SH3KBP1: variants seen among roughly 807,000 people sequenced by gnomAD.
The protein encoded by SH3KBP1 is SH3 domain containing kinase binding protein 1, also known as SH3 domain-containing kinase-binding protein 1.
SH3KBP1 carries 8 observed loss-of-function variants against 50.1 expected under a neutral mutation model. That is an observed-to-expected ratio of 0.16 (90% confidence interval 0.09 to 0.29). The LOEUF (loss-of-function observed/expected upper bound fraction) is 0.29. Among genes scored for constraint, SH3KBP1 ranks in the 10% least tolerant of loss-of-function variants. The probability of loss-of-function intolerance (pLI) is 1.00; values close to 1 mark genes in which losing one functional copy is unlikely to be tolerated. For synonymous variants in SH3KBP1, 227 were observed against 218.6 expected (o/e 1.04, Z -0.34); for missense variants, 377 against 535.2 (o/e 0.70, Z 2.92).
chrX:19,587,077 C>T (rs1215953443), intron 12 of SH3KBP1, among the ~76,000 whole-genome samples: 2 of 110,073 alleles, frequency 1.8e-5, no homozygotes, highest in African/African-American at 3.3e-5. Context: ...ACAAAATTAG[C>T]CAGGCGTGGT....
At chrX:19,817,200 G>A in intron 2 of SH3KBP1, among the ~76,000 whole-genome samples, 1 of 111,210 alleles carries the variant, frequency 9.0e-6, no homozygotes, top group South Asian at 3.7e-4. Context: ...CATAAAATTG[G>A]GTAGATTCCT....
intron 5 of SH3KBP1, among the ~76,000 whole-genome samples, chrX:19,694,557 G>A (rs925462799): frequency 1.8e-5 from 2 of 110,218 alleles, no homozygotes; most frequent in African/African-American, 6.6e-5. Context: ...TGGCACTGGA[G>A]GGAAGGAGCA....
intron 7 of SH3KBP1, among the ~76,000 whole-genome samples, chrX:19,634,885 G>A (rs760090158): frequency 2.0e-4 from 22 of 111,588 alleles, no homozygotes; most frequent in African/African-American, 5.9e-4. Flanking sequence ...CTGAAAAAGA[G>A]CTGTTCTGGT....
Position 19,592,077 on chromosome X carries a change from T to C in SH3KBP1, c.1128A>G (p.Thr376=), listed in dbSNP as rs369021832. The stretch of plus-strand genomic sequence containing the variant: ...GAATTGATTTCATACCTTTTTCTTC[T>C]GTTCTGTTTGGAAGCATTTCTGGTC... ...PERPEMLPNR[T]EEKERPEREP... Residue 376 remains threonine, a synonymous_variant, in exon 11 of 18, where the codon ACA becomes ACG. Transcript: ENST00000397821. The C allele has an allele frequency of 1.9e-5, 23 of 1,200,581 alleles. No individual in the cohort carries two copies. The highest frequency in any genetic ancestry group is 2.4e-5 in the Non-Finnish European group (21 of 887,051).
At chrX:19,885,008 G>T (rs1158628544) in intron 1 of SH3KBP1, among the ~76,000 whole-genome samples, 1 of 111,927 alleles carries the variant, frequency 8.9e-6, no homozygotes, top group Non-Finnish European at 1.9e-5. Flanking sequence ...AAGAATATAA[G>T]TGTATCAGAA....
rs141491861 is a variant in SH3KBP1 at position 19,673,549 on chromosome X, C to G, written c.726+10274G>C. ...AAGAGTGTGCATGAGGTGGGCCCATCTGCCCCTTTCCAAGAGCTACTAGAA... is the reference window on the plus strand; with the variant it reads ...AAGAGTGTGCATGAGGTGGGCCCATGTGCCCCTTTCCAAGAGCTACTAGAA... On this transcript the variant is annotated intron_variant, in intron 6 of 17. Transcript: ENST00000397821. 2.5e-3 allele frequency among the ~76,000 whole-genome samples: 283 copies of G among 111,479 alleles called. 1 individual carries two copies. Among genetic ancestry groups the G allele is most frequent in the Non-Finnish European group, 4.4e-3 (231 of 53,004 alleles).
At chrX:19,655,540 T>C (rs1441113571) in intron 6 of SH3KBP1, among the ~76,000 whole-genome samples, 2 of 111,812 alleles carry the variant, frequency 1.8e-5, no homozygotes, top group African/African-American at 6.5e-5. Flanking sequence ...CTGGAGGCCA[T>C]GATCCTAAGC....
At chrX:19,827,156 C>T (rs752050529) in intron 2 of SH3KBP1, among the ~76,000 whole-genome samples, 2 of 111,811 alleles carry the variant, frequency 1.8e-5, no homozygotes, top group Non-Finnish European at 3.8e-5. Flanking sequence ...GCTGAGGCCA[C>T]GGCAAGTGAG....
chrX:19,594,539 G>A (rs1035741742), intron 10 of SH3KBP1, among the ~76,000 whole-genome samples: 1 of 111,676 alleles, frequency 9.0e-6, no homozygotes, highest in Admixed American at 9.5e-5. Flanking sequence ...CACTATATAC[G>A]CACAACAATG....
In SH3KBP1 at chrX:19,588,738, T is replaced by A; in HGVS notation, c.1203A>T (p.Lys401Asn). The change falls in exon 12 of 18, where the codon AAA (lysine) becomes AAT (asparagine). Residue 401 changes from lysine (K) to asparagine (N), a missense_variant. By Grantham distance (94) the Lys-to-Asn change is moderately conservative (BLOSUM62 0). Transcript: ENST00000397821. ...QKPSVPAIPP[K>N]KPRPPKTNSL... Reference sequence around the variant, plus strand: ...AATTGGTCTTAGGTGGCCGAGGCTTTTTTGGCGGTATGGCAGGAACGGAGG... The same window carrying A: ...AATTGGTCTTAGGTGGCCGAGGCTTATTTGGCGGTATGGCAGGAACGGAGG... 8.3e-7 allele frequency: 1 copy of A among 1,202,153 alleles called. No individual in the cohort carries two copies. Among genetic ancestry groups the A allele is most frequent in the Non-Finnish European group, 1.1e-6 (1 of 890,209 alleles).
intron 1 of SH3KBP1, among the ~76,000 whole-genome samples, chrX:19,877,021 T>C (rs950115293): frequency 3.6e-5 from 4 of 111,313 alleles, no homozygotes; most frequent in African/African-American, 1.3e-4. Flanking sequence ...AAAGCAGCAA[T>C]TAAGCTTTAA....
intron 8 of SH3KBP1, among the ~76,000 whole-genome samples, chrX:19,624,834 T>C (rs2067963631): frequency 8.9e-6 from 1 of 112,428 alleles, no homozygotes; most frequent in African/African-American, 3.2e-5. Flanking sequence ...CAATGACTCA[T>C]TTGCTCAACA....
At chrX:19,759,260 C>T (rs1318424006) in intron 2 of SH3KBP1, among the ~76,000 whole-genome samples, 1 of 111,410 alleles carries the variant, frequency 9.0e-6, no homozygotes, top group Non-Finnish European at 1.9e-5. Context: ...GGAATGACCC[C>T]GTGTGGTCCT....
intron 16 of SH3KBP1, among the ~76,000 whole-genome samples, chrX:19,538,060 A>T (rs1477636557): frequency 4.5e-5 from 5 of 111,527 alleles, no homozygotes; most frequent in African/African-American, 1.6e-4. Context: ...AAAGGATAAG[A>T]TGGGGAAACA....
At chrX:19,858,611 C>T (rs958401957) in intron 1 of SH3KBP1, among the ~76,000 whole-genome samples, 1 of 112,194 alleles carries the variant, frequency 8.9e-6, no homozygotes, top group Non-Finnish European at 1.9e-5. Context: ...CTGGGCAACA[C>T]AGCAAAGCCC....
chrX:19,672,204 TA>T (rs1234596765), intron 6 of SH3KBP1, among the ~76,000 whole-genome samples: 3 of 111,271 alleles, frequency 2.7e-5, no homozygotes, highest in African/African-American at 6.5e-5. Flanking sequence ...AGAGAACAGA[TA>T]AAAAAAATTC....
intron 7 of SH3KBP1, among the ~76,000 whole-genome samples, chrX:19,638,162 G>A (rs1285518211): frequency 2.7e-5 from 3 of 109,863 alleles, no homozygotes; most frequent in Non-Finnish European, 5.7e-5. Flanking sequence ...TGTAATCCCA[G>A]CACTTTGGGA....
chrX:19,838,549 T>G (rs1387790763), intron 1 of SH3KBP1, among the ~76,000 whole-genome samples: 1 of 111,403 alleles, frequency 9.0e-6, no homozygotes, highest in Non-Finnish European at 1.9e-5. Flanking sequence ...AAGATCTGTG[T>G]AAAGAAAGTA....
chrX:19,877,405 G>T (rs1021128114), intron 1 of SH3KBP1, among the ~76,000 whole-genome samples: 1 of 112,080 alleles, frequency 8.9e-6, no homozygotes, highest in Non-Finnish European at 1.9e-5. Context: ...AGAGGAGGGG[G>T]CAGCAGAGCA....
Sources: allele counts gnomAD v4.1 joint callset (sites outside exome capture counted in the v4.1 genomes callset), GRCh38; gene constraint gnomAD v4.1.1; transcripts MANE v1.5; gene names NCBI Gene and HGNC (gene_info 2026-07-23, HGNC 2026-07-21).